Variants in LRRC69 observed in about 807,000 individuals in gnomAD.
The protein encoded by LRRC69 is leucine-rich repeat-containing protein 69.
A neutral mutation model predicts 37.8 loss-of-function variants in LRRC69; 42 were observed. The observed-to-expected ratio is 1.11, with a 90% confidence interval of 0.87 to 1.44. The LOEUF is 1.44. LRRC69 is among the 40% of genes most tolerant of loss of function. LRRC69 has a pLI of 0.00. For synonymous variants in LRRC69, 141 were observed against 143.1 expected, an observed-to-expected ratio of 0.99 and a Z score of 0.11; for missense variants, 357 against 401.9, an observed-to-expected ratio of 0.89 and a Z score of 0.96.
intron 5 of LRRC69, among the ~76,000 whole-genome samples, chr8:91,160,708 C>T (rs35435203): frequency 0.053 from 7,939 of 151,214 alleles, 298 homozygotes; most frequent in Middle Eastern, 0.16. Context: ...CATGTACAGC[C>T]TGTGGAACCA....
chr8:91,114,760 A>G (rs1404678761), intron 1 of LRRC69, among the ~76,000 whole-genome samples: 1 of 152,072 alleles, frequency 6.6e-6, no homozygotes, highest in African/African-American at 2.4e-5. Context: ...TAGTGTAAGT[A>G]CTATGATGTT....
intron 6 of LRRC69, among the ~76,000 whole-genome samples, chr8:91,197,383 C>A (rs898752353): frequency 2.0e-5 from 3 of 152,074 alleles, no homozygotes; most frequent in African/African-American, 7.2e-5. Flanking sequence ...GTTCGAGCTT[C>A]CCCGGCTGCT....
intron 1 of LRRC69, among the ~76,000 whole-genome samples, chr8:91,117,696 G>A (rs1210611287): frequency 6.6e-6 from 1 of 150,390 alleles, no homozygotes; most frequent in Admixed American, 6.7e-5. Flanking sequence ...ATTGGCCACA[G>A]ACAAAACTAA....
chr8:91,119,944 G>C lies in LRRC69; in HGVS notation c.184-4549G>C, dbSNP rs149942666. Among the ~76,000 whole-genome samples the C allele has an allele frequency of 2.4e-3, 368 of 151,938 alleles. 1 individual carries two copies. The highest frequency in any genetic ancestry group is 3.4e-3 in the Middle Eastern group (1 of 294). On this transcript the variant is annotated intron_variant, in intron 1 of 7. Transcript: ENST00000448384. ...CTTCTAAAGGATTTTGATTCTGTGA[G>C]TGTCCCCATATTTAAGGCATGAGTT... is the stretch of plus-strand genomic sequence containing the variant.
intron 5 of LRRC69, among the ~76,000 whole-genome samples, chr8:91,151,997 T>C (rs1321924753): frequency 6.6e-6 from 1 of 151,780 alleles, no homozygotes; most frequent in Non-Finnish European, 1.5e-5. Context: ...TTTATTTTTC[T>C]TGCAAATTTG....
At chr8:91,214,649 A>G (rs968599391) in intron 7 of LRRC69, among the ~76,000 whole-genome samples, 1 of 152,122 alleles carries the variant, frequency 6.6e-6, no homozygotes, top group African/African-American at 2.4e-5. Context: ...AAGGGATTAG[A>G]CCAGTCTCTT....
At chr8:91,134,832 A>G (rs1165707600) in intron 4 of LRRC69, among the ~76,000 whole-genome samples, 1 of 151,864 alleles carries the variant, frequency 6.6e-6, no homozygotes, top group African/African-American at 2.4e-5. Context: ...TCCATATATC[A>G]CTGTTTCCTT....
In LRRC69 at chr8:91,114,443, A is replaced by ATGTGTGTG. The variant is rs768028794; in HGVS notation, c.184-10044_184-10037dup. ...AAATGAATAAAGAAAATGTTTGTGT[A>ATGTGTGTG]TGTGTGTGTGTGTATATATATATGT... On this transcript the variant is annotated intron_variant, in intron 1 of 7. Transcript: ENST00000448384. 4.8e-4 allele frequency among the ~76,000 whole-genome samples: 32 copies of ATGTGTGTG among 66,962 alleles called. 1 individual carries two copies. Among genetic ancestry groups the ATGTGTGTG allele is most frequent in the Admixed American group, 3.0e-3 (27 of 9,060 alleles). The allele number at this position is 66,962 out of a possible 152,430, so 43.9% of individuals were successfully genotyped here. A position where few individuals can be genotyped will look rare whatever the true frequency, so the allele number is the denominator to read the frequency against.
intron 7 of LRRC69, among the ~76,000 whole-genome samples, chr8:91,203,320 A>G (rs1809741414): frequency 6.6e-6 from 1 of 152,130 alleles, no homozygotes; most frequent in South Asian, 2.1e-4. Context: ...CAAGTGATTT[A>G]GGGTATCATT....
chr8:91,148,097 T>C (rs1012628522), intron 5 of LRRC69, among the ~76,000 whole-genome samples: 9 of 151,684 alleles, frequency 5.9e-5, no homozygotes, highest in Non-Finnish European at 1.3e-4. Context: ...TTTTTTTTAT[T>C]ATACTTTAAG....
chr8:91,168,848 G>T (rs1450469819), intron 5 of LRRC69, among the ~76,000 whole-genome samples: 1 of 151,808 alleles, frequency 6.6e-6, no homozygotes, highest in East Asian at 1.9e-4. Flanking sequence ...CTCAAAAAAT[G>T]TTGCTCTTAA....
chr8:91,190,682 TATC>T (rs1168021802), intron 6 of LRRC69, among the ~76,000 whole-genome samples: 2 of 152,250 alleles, frequency 1.3e-5, no homozygotes, highest in African/African-American at 4.8e-5. Flanking sequence ...TATATGATGA[TATC>T]ATAATATTTT....
At chr8:91,118,233 G>A (rs1586227824) in intron 1 of LRRC69, 3 of 455,016 alleles carry the variant, frequency 6.6e-6, no homozygotes, top group Non-Finnish European at 1.3e-5. Flanking sequence ...GGCCGGGTGC[G>A]GTGGCTCATG....
intron 5 of LRRC69, among the ~76,000 whole-genome samples, chr8:91,138,129 T>C (rs938016069): frequency 4.6e-5 from 7 of 152,002 alleles, no homozygotes; most frequent in Admixed American, 4.6e-4. Flanking sequence ...TATGAAGCAT[T>C]TTGTGCATAG....
At chr8:91,117,070 T>G (rs1176066087) in intron 1 of LRRC69, among the ~76,000 whole-genome samples, 1 of 151,936 alleles carries the variant, frequency 6.6e-6, no homozygotes, top group Non-Finnish European at 1.5e-5. Flanking sequence ...AGATAAAATT[T>G]AGTAAGAGCA....
chr8:91,157,693 C>A, intron 5 of LRRC69: 1 of 1,597,392 alleles, frequency 6.3e-7, no homozygotes, highest in Non-Finnish European at 8.6e-7. Context: ...ATTACACAGG[C>A]GGCATGAAGC....
chr8:91,111,949 A>G (rs1401467033), intron 1 of LRRC69, among the ~76,000 whole-genome samples: 1 of 151,946 alleles, frequency 6.6e-6, no homozygotes, highest in Non-Finnish European at 1.5e-5. Flanking sequence ...AATTGATAAT[A>G]GAAAGTACAC....
At chr8:91,200,626 G>A in exon 7 of LRRC69, 1 of 1,442,680 alleles carries the variant, frequency 6.9e-7, no homozygotes, top group Non-Finnish European at 9.1e-7. Context: ...ATAACATCAA[G>A]ATTTGTAATG....
rs1216070699 is a variant in LRRC69 at position 91,153,190 on chromosome 8, A to G, written c.651+17451A>G. Among the ~76,000 whole-genome samples the G allele has an allele frequency of 2.0e-5, 3 of 151,470 alleles. No individual in the cohort carries two copies. The East Asian group carries it at 5.8e-4, about 29-fold the overall frequency. Reference sequence around the variant, plus strand: ...AACTATCCTAAATATATATGCACCCAATACAGGAGGACCCAGATTTGTAAC... The same window carrying G: ...AACTATCCTAAATATATATGCACCCGATACAGGAGGACCCAGATTTGTAAC... On this transcript the variant is annotated intron_variant, in intron 5 of 7. Coordinates refer to ENST00000448384, the Ensembl canonical transcript of LRRC69.
Sources: allele counts gnomAD v4.1 joint callset (sites outside exome capture counted in the v4.1 genomes callset), GRCh38; gene constraint gnomAD v4.1.1; transcripts MANE v1.5; gene names NCBI Gene and HGNC (gene_info 2026-07-23, HGNC 2026-07-21).